CHRNG: variants seen among roughly 807,000 people sequenced by gnomAD.
The protein encoded by CHRNG is cholinergic receptor nicotinic gamma subunit.
Under a neutral mutation model 65.2 loss-of-function variants are expected in CHRNG, and 72 were observed. That is an observed-to-expected ratio of 1.10 (90% CI 0.91 to 1.34). The LOEUF (loss-of-function observed/expected upper bound fraction) is 1.34, where lower values mean the gene tolerates loss of function less well. Ranked by LOEUF, CHRNG falls within the 40% of genes most tolerant of loss-of-function variation. The pLI is 0.00. For missense variants in CHRNG, 637 were observed against 680.1 expected, an observed-to-expected ratio of 0.94 and a Z score of 0.70; for synonymous variants, 284 against 290.2, an observed-to-expected ratio of 0.98 and a Z score of 0.22.
In CHRNG at chr2:232,541,095, C is replaced by CTATTAT. The variant is rs202064405; in HGVS notation, c.351-260_351-255dup. ...CTTAACACATTAGTCGCTATTATGA[C>CTATTAT]TATTATTATTATTATTATTATTATG... On this transcript the variant is annotated intron_variant, in intron 4 of 11. Coordinates refer to ENST00000651502, the MANE Select transcript of CHRNG (RefSeq NM_005199.5). The surrounding 1 kb of genome is among the most constrained non-coding windows in gnomAD (Gnocchi z 4.0). Among the ~76,000 whole-genome samples the CTATTAT allele has an allele frequency of 1.2e-3, 179 of 149,932 alleles. 1 individual carries two copies. The East Asian group carries it at 0.017, about 14-fold the overall frequency.
rs761521738 is a variant in CHRNG at position 232,547,975 on chromosome 2, T to C, written c.*2259T>C. The C allele has an allele frequency of 2.0e-5, 9 of 443,710 alleles. No homozygotes were observed. The highest frequency in any genetic ancestry group is 6.1e-5 in the African/African-American group (3 of 49,070). 27.5% of individuals were successfully genotyped at this position (443,710 alleles called of 1,614,324 possible). ...AAGAAAGCAAGTCACATGAATGTTT[T>C]TGGTTTCCCAATGCATATAAAAGTT... is the stretch of plus-strand genomic sequence containing the variant. On this transcript the variant is annotated 3_prime_UTR_variant, in exon 12 of 12. Coordinates refer to ENST00000651502, the MANE Select transcript of CHRNG (RefSeq NM_005199.5).
chr2:232,543,260 C>G lies in CHRNG; in HGVS notation c.806-15C>G, dbSNP rs769643601. ...AGGTAGGAACCTGCTCTGAGAGCCT[C>G]TCGGTCATGGATAGCTGGGGGCCAG... On this transcript the variant is annotated splice_polypyrimidine_tract_variant and intron_variant, in intron 7 of 11. Transcript: ENST00000651502. 6.8e-6 allele frequency: 11 copies of G among 1,610,402 alleles called. No individual in the cohort carries two copies. In the South Asian group the frequency reaches 1.2e-4, roughly 18 times the overall value.
chr2:232,542,589 G>A lies in CHRNG; in HGVS notation c.604+69G>A, dbSNP rs1032794708. The A allele has an allele frequency of 1.5e-5, 16 of 1,099,314 alleles. No individual in the cohort carries two copies. In the African/African-American group the frequency reaches 2.5e-4, roughly 17 times the overall value. 68.1% of individuals were successfully genotyped at this position (1,099,314 alleles called of 1,614,324 possible). On this transcript the variant is annotated intron_variant, in intron 6 of 11. Coordinates refer to ENST00000651502, the MANE Select transcript of CHRNG (RefSeq NM_005199.5). ...TCCTGCTGGACCCAGCTGTGGTCAA[G>A]GCTGGACCAAGGTCAAATCCCTCCC...
rs1323000938 is a variant in CHRNG at position 232,540,458 on chromosome 2, AG to A, written c.240+37del. ...GCCACCCTGCCACCCTCCTTCCATC[AG>A]GGGTCCCACCCCACCACCCCAAGGC... On this transcript the variant is annotated intron_variant, in intron 3 of 11. Coordinates refer to ENST00000651502, the MANE Select transcript of CHRNG (RefSeq NM_005199.5). This position sits in a 1 kb window ranked among gnomAD's most constrained non-coding sequence, Gnocchi z 4.2. 4.3e-6 allele frequency: 7 copies of A among 1,612,224 alleles called. No individual in the cohort carries two copies. The Admixed American group carries it at 1.0e-4, about 23-fold the overall frequency.
In CHRNG at chr2:232,539,760, C is replaced by A; in HGVS notation, c.13C>A (p.Gln5Lys). The part of the protein sequence containing the change: MHGG[Q>K]GPLLLLLLLA... Reference sequence around the variant, plus strand: ...GAGCTGAGGCACCATGCATGGGGGCCAGGGGCCGCTGCTCCTCCTGCTGCT... The same window carrying A: ...GAGCTGAGGCACCATGCATGGGGGCAAGGGGCCGCTGCTCCTCCTGCTGCT... Residue 5 changes from glutamine (Q) to lysine (K), a missense_variant, in exon 1 of 12, where the codon CAG becomes AAG. By Grantham distance (53) the Gln-to-Lys change is moderately conservative (BLOSUM62 1). Coordinates refer to ENST00000651502, the MANE Select transcript of CHRNG (RefSeq NM_005199.5). The A allele has an allele frequency of 6.2e-7, 1 of 1,613,962 alleles. No individual in the cohort carries two copies. Among genetic ancestry groups the A allele is most frequent in the South Asian group, 1.1e-5 (1 of 91,076 alleles).
intron 6 of CHRNG, 49 bp from the exon 7 acceptor site, chr2:232,542,833 C>A: frequency 6.5e-7 from 1 of 1,534,450 alleles, no homozygotes; most frequent in African/African-American, 1.4e-5. Flanking sequence ...CAGGGATCTG[C>A]CTAGCTCACG....
At position 232,541,979 on chromosome 2, in the gene CHRNG, A is replaced by C; in HGVS notation, c.507-444A>C. The C allele has an allele frequency of 3.2e-6, 1 of 315,572 alleles. No homozygotes were observed. 19.5% of individuals were successfully genotyped at this position (315,572 alleles called of 1,614,324 possible). A position where few individuals can be genotyped will look rare whatever the true frequency, so the allele number is the denominator to read the frequency against. On this transcript the variant is annotated intron_variant, in intron 5 of 11. Transcript: ENST00000651502. This position sits in a 1 kb window ranked among gnomAD's most constrained non-coding sequence, Gnocchi z 4.0. ...GGGGTCTCTGGGTCTGTTTCCTCAAACCTAAGTGTGGGGAGGAGGGCCCGG... is the reference window on the plus strand; with the variant it reads ...GGGGTCTCTGGGTCTGTTTCCTCAACCCTAAGTGTGGGGAGGAGGGCCCGG...
Position 232,544,446 on chromosome 2 carries a change from C to A in CHRNG, c.1115C>A (p.Ser372Tyr). The change falls in exon 10 of 12, where the codon TCC becomes TAC. Residue 372 changes from serine (S) to tyrosine (Y), a missense_variant. Ser to Tyr is a moderately radical substitution (Grantham distance 144). Coordinates refer to ENST00000651502, the MANE Select transcript of CHRNG (RefSeq NM_005199.5). ...LAPAAVQDTQ[S>Y]RLQNGSSGWS... is the part of the protein sequence containing the mutation. ...CCGGCAGCTGTGCAGGACACCCAGT[C>A]CCGGCTACAGAATGGCTCCTCGGGA... 6.2e-7 allele frequency: 1 copy of A among 1,613,744 alleles called. No individual in the cohort carries two copies. The highest frequency in any genetic ancestry group is 1.7e-4 in the Middle Eastern group (1 of 6,060).
chr2:232,543,727 A>C, intron 9 of CHRNG, 28 bp downstream of exon 9: 1 of 1,367,254 alleles, frequency 7.3e-7, no homozygotes, highest in Non-Finnish European at 1.0e-6. Context: ...CCACTTCAAC[A>C]TCCCGCTGCC....
chr2:232,539,887 G>T, intron 1 of CHRNG, 85 bp downstream of exon 1: 1 of 1,609,484 alleles, frequency 6.2e-7, no homozygotes, highest in South Asian at 1.1e-5. Context: ...GGGGTATTGG[G>T]GCCTGCCCTG....
Position 232,541,491 on chromosome 2 carries a change from C to G in CHRNG, c.468C>G (p.Tyr156Ter). The G allele has an allele frequency of 1.2e-6, 2 of 1,614,166 alleles. No homozygotes were observed. Among genetic ancestry groups the G allele is most frequent in the South Asian group, 2.2e-5 (2 of 91,088 alleles). ...FRSACSISVT[Y>*]FPFDWQNCSL... ...CCGCCTGCTCTATCTCAGTCACCTA[C>G]TTCCCCTTCGACTGGCAGAACTGCT... Residue 156 changes from tyrosine to a stop codon, truncating the protein, a stop_gained, in exon 5 of 12, where the codon TAC (tyrosine) becomes TAG (stop). Transcript: ENST00000651502. LOFTEE classifies it high-confidence loss of function. This position sits in a 1 kb window ranked among gnomAD's most constrained non-coding sequence, Gnocchi z 4.0.
rs1286284240 is a variant in CHRNG at position 232,544,818 on chromosome 2, G to T, written c.1296G>T (p.Lys432Asn). 6.2e-7 allele frequency: 1 copy of T among 1,613,420 alleles called. No individual in the cohort carries two copies. Among genetic ancestry groups the T allele is most frequent in the South Asian group, 1.1e-5 (1 of 91,070 alleles). ...TGAGCCAGTTCTGTGGCAGCCTGAA[G>T]CAGGCTGCCCCAGCCATCCAGGCCT... ...LGLSQFCGSL[K>N]QAAPAIQACV... Residue 432 changes from lysine (K) to asparagine (N), a missense_variant, in exon 11 of 12, where the codon AAG (lysine) becomes AAT (asparagine). By Grantham distance (94) the Lys-to-Asn change is moderately conservative. Transcript: ENST00000651502.
rs1691976785 is a variant in CHRNG, at chr2:232,539,844, G to C, written c.55+42G>C. ...TCTCAGCCTGGGGAGTCCCAGAGCT[G>C]GGGTCCACAGCCTCAGGGGATGGAG... On this transcript the variant is annotated intron_variant, in intron 1 of 11. Transcript: ENST00000651502. 3 of 1,612,432 alleles carry C rather than the reference G, an allele frequency of 1.9e-6. No individual in the cohort carries two copies. In the Admixed American group the frequency reaches 5.0e-5, roughly 27 times the overall value.
chr2:232,545,730 T>C lies in CHRNG; in HGVS notation c.*14T>C, dbSNP rs1692120248. 7 of 1,613,856 alleles carry C rather than the reference T, an allele frequency of 4.3e-6. No homozygotes were observed. The East Asian group carries it at 1.1e-4, about 26-fold the overall frequency. On this transcript the variant is annotated 3_prime_UTR_variant, in exon 12 of 12. Coordinates refer to ENST00000651502, the MANE Select transcript of CHRNG (RefSeq NM_005199.5). ...TCACCAGACTGAGCCAACCAACCAC[T>C]GTGGGGCATGTGGGAGTCACACACG...
chr2:232,540,264 G>C lies in CHRNG; in HGVS notation c.196-117G>C. On this transcript the variant is annotated intron_variant, in intron 2 of 11. Coordinates refer to ENST00000651502, the MANE Select transcript of CHRNG (RefSeq NM_005199.5). The surrounding 1 kb of genome is among the most constrained non-coding windows in gnomAD (Gnocchi z 4.2). ...AGGCTGGGGTCTGGAAAACCCCCAT[G>C]GTTGTGGGGGGAGTACTATCAAGAG... The C allele has an allele frequency of 6.3e-7, 1 of 1,588,126 alleles. No individual in the cohort carries two copies. Among genetic ancestry groups the C allele is most frequent in the East Asian group, 2.2e-5 (1 of 44,700 alleles).
Position 232,543,488 on chromosome 2 carries a change from C to CA in CHRNG, c.921-96dup, listed in dbSNP as rs1553578012. 5.9e-6 allele frequency: 7 copies of CA among 1,179,576 alleles called. No homozygotes were observed. In the South Asian group the frequency reaches 6.4e-5, roughly 11 times the overall value. The allele number at this position is 1,179,576 out of a possible 1,614,324, so 73.1% of individuals were successfully genotyped here. On this transcript the variant is annotated intron_variant, in intron 8 of 11. Coordinates refer to ENST00000651502, the MANE Select transcript of CHRNG (RefSeq NM_005199.5). The stretch of plus-strand genomic sequence containing the variant: ...CCTCTTGCCCTCCATCCACCCCCCC[C>CA]ATCCTCAATTCAGGAGGCCTGAGGG...
In CHRNG at chr2:232,540,704, G is replaced by T. The variant is rs1691998208; in HGVS notation, c.343G>T (p.Glu115Ter). ...GGTGTGGCGGCCGGATATCGTGCTG[G>T]AGAACAAGTGAGGAGGGGGTGCAGG... ...TMVWRPDIVL[E>*]NNVDGVFEVA... is the part of the protein sequence containing the mutation. Residue 115 changes from glutamate to a stop codon, truncating the protein, a stop_gained, in exon 4 of 12, where the codon GAG becomes TAG. Transcript: ENST00000651502. LOFTEE classifies it high-confidence loss of function. The surrounding 1 kb of genome is among the most constrained non-coding windows in gnomAD (Gnocchi z 4.2). 1 of 1,610,930 alleles carries T rather than the reference G, an allele frequency of 6.2e-7. No homozygotes were observed. The highest frequency in any genetic ancestry group is 1.3e-5 in the African/African-American group (1 of 74,894).
chr2:232,544,728 T>C (rs200592385), intron 10 of CHRNG, 44 bp from the exon 11 acceptor site: 13 of 1,612,530 alleles, frequency 8.1e-6, no homozygotes, highest in Non-Finnish European at 1.1e-5. Context: ...TCTGCCTGTT[T>C]CTCCTCCATT....
intron 11 of CHRNG, 81 bp downstream of exon 11, chr2:232,544,983 C>T: frequency 1.3e-6 from 2 of 1,574,646 alleles, no homozygotes; most frequent in Non-Finnish European, 1.7e-6. Context: ...AGTGGGGTTG[C>T]CAAGATAGGG....
Sources: gnomAD v4.1 joint callset for allele counts (sites outside exome capture counted in the v4.1 genomes callset) on GRCh38, gnomAD v4.1.1 for gene constraint, Gnocchi (gnomAD v3.1) non-coding constraint, MANE v1.5 for transcripts, NCBI Gene and HGNC (gene_info 2026-07-23, HGNC 2026-07-21) for gene names.